The following SRFBP1 variants were observed in gnomAD, a reference collection of about 807,000 sequenced individuals.
The protein encoded by SRFBP1 is serum response factor-binding protein 1.
A neutral mutation model predicts 45.5 loss-of-function variants in SRFBP1; 47 were observed. That is an observed-to-expected ratio of 1.03 (90% CI 0.82 to 1.32). SRFBP1 has a LOEUF of 1.32. Ranked by LOEUF, SRFBP1 falls within the 40% of genes most tolerant of loss-of-function variation. The pLI, the probability that SRFBP1 is intolerant of heterozygous loss-of-function variation, is 0.00. For missense variants in SRFBP1, 621 were observed against 484.6 expected, an observed-to-expected ratio of 1.28 and a Z score of -2.64; for synonymous variants, 203 against 166.3, an observed-to-expected ratio of 1.22 and a Z score of -1.70.
chr5:122,031,605 C>T (rs1753588994), downstream of SRFBP1, among the ~76,000 whole-genome samples: 1 of 152,144 alleles, frequency 6.6e-6, no homozygotes, highest in African/African-American at 2.4e-5. Flanking sequence ...GATGTACCAA[C>T]ATAGGCATGA....
intron 4 of SRFBP1, among the ~76,000 whole-genome samples, chr5:122,012,609 A>G (rs897103543): frequency 3.3e-5 from 5 of 152,136 alleles, no homozygotes; most frequent in African/African-American, 1.2e-4. Context: ...CGAAATACAA[A>G]TTAGTTAAAA....
chr5:122,027,052 G>A lies in SRFBP1; in HGVS notation c.1216G>A (p.Ala406Thr). 6.2e-7 allele frequency: 1 copy of A among 1,612,668 alleles called. No homozygotes were observed. Among genetic ancestry groups the A allele is most frequent in the Non-Finnish European group, 8.5e-7 (1 of 1,179,540 alleles). The change falls in exon 8 of 8, where the codon GCA becomes ACA. Residue 406 changes from alanine (A) to threonine (T), a missense_variant. By Grantham distance (58) the Ala-to-Thr change is moderately conservative. Coordinates refer to ENST00000339397, the MANE Select transcript of SRFBP1 (RefSeq NM_152546.3). The part of the protein sequence containing the change: ...LQLPLHPSWE[A>T]SRRRKEQQSN... ...GCTGCCTCTTCATCCTTCATGGGAA[G>A]CAAGCAGAAGGCGAAAAGAACAGCA...
chr5:122,033,752 C>G (rs993802154), intron 2 of SRFBP1, among the ~76,000 whole-genome samples: 4 of 151,716 alleles, frequency 2.6e-5, no homozygotes, highest in Non-Finnish European at 4.4e-5. Flanking sequence ...AGCCCCCACG[C>G]CCAGCCGGTG....
chr5:122,049,062 T>A (rs1053089074), intron 2 of SRFBP1, among the ~76,000 whole-genome samples: 1 of 152,174 alleles, frequency 6.6e-6, no homozygotes, highest in African/African-American at 2.4e-5. Context: ...TCTGCTCTGA[T>A]CTTAGTTATT....
chr5:122,049,715 A>G, intron 2 of SRFBP1, among the ~76,000 whole-genome samples: 1 of 152,216 alleles, frequency 6.6e-6, no homozygotes, highest in Non-Finnish European at 1.5e-5. Context: ...ACTCAGGATT[A>G]AGAAACTCAC....
At chr5:121,986,105 A>T (rs1047834007) in intron 3 of SRFBP1, among the ~76,000 whole-genome samples, 1 of 152,040 alleles carries the variant, frequency 6.6e-6, no homozygotes, top group Non-Finnish European at 1.5e-5. Context: ...GTCCTGGTCC[A>T]TTCTTAAGTT....
chr5:122,053,024 C>T (rs1179205692), intron 2 of SRFBP1, among the ~76,000 whole-genome samples: 1 of 152,056 alleles, frequency 6.6e-6, no homozygotes, highest in Non-Finnish European at 1.5e-5. Context: ...GGAGCCCCCT[C>T]CAATTGCTGT....
chr5:122,070,186 T>C lies in SRFBP1; in HGVS notation n.312-5129T>C, dbSNP rs1373437273. 7.5e-7 allele frequency: 1 copy of C among 1,330,102 alleles called. No homozygotes were observed. The highest frequency in any genetic ancestry group is 1.1e-6 in the Non-Finnish European group (1 of 921,848). The allele number at this position is 1,330,102 out of a possible 1,614,324, so 82.4% of individuals were successfully genotyped here. A position where few individuals can be genotyped will look rare whatever the true frequency, so the allele number is the denominator to read the frequency against. ...ACACTGACCTGGGCAACACAAAGAG[T>C]TCCTCAGTATTTCTTTTTCCATAGG... On this transcript the variant is annotated intron_variant and non_coding_transcript_variant, in intron 2 of 2. Transcript: ENST00000504881.
intron 2 of SRFBP1, among the ~76,000 whole-genome samples, chr5:122,051,106 T>C (rs1416447413): frequency 6.6e-6 from 1 of 152,240 alleles, no homozygotes; most frequent in Non-Finnish European, 1.5e-5. Flanking sequence ...TGCACTGTTA[T>C]TCTGAGAGTA....
At chr5:122,062,994 A>C (rs915740030) in intron 2 of SRFBP1, among the ~76,000 whole-genome samples, 1 of 151,962 alleles carries the variant, frequency 6.6e-6, no homozygotes. Flanking sequence ...CTGGTGATAA[A>C]AGTTTATGTA....
intron 3 of SRFBP1, among the ~76,000 whole-genome samples, chr5:121,980,709 G>A (rs980594741): frequency 6.6e-6 from 1 of 151,946 alleles, no homozygotes; most frequent in African/African-American, 2.4e-5. Flanking sequence ...TATTTTTTTC[G>A]AATAAGTGGT....
chr5:122,052,701 A>G (rs1204466300), intron 2 of SRFBP1, among the ~76,000 whole-genome samples: 1 of 152,090 alleles, frequency 6.6e-6, no homozygotes, highest in Non-Finnish European at 1.5e-5. Flanking sequence ...CATTCTCCTC[A>G]ACCTCAATGA....
At chr5:122,010,567 A>G (rs777883235) in intron 4 of SRFBP1, among the ~76,000 whole-genome samples, 15 of 152,146 alleles carry the variant, frequency 9.9e-5, no homozygotes, top group Non-Finnish European at 1.6e-4. Context: ...CTACAAAGCT[A>G]TTACTTCCTC....
chr5:122,075,737 C>A (rs1222415494), downstream of SRFBP1, among the ~76,000 whole-genome samples: 1 of 152,056 alleles, frequency 6.6e-6, no homozygotes, highest in Non-Finnish European at 1.5e-5. Context: ...TTGGAGTAGT[C>A]AGAGCTCAAT....
At chr5:122,076,808 C>T (rs550270238), downstream of SRFBP1, 28 of 1,190,606 alleles carry the variant, frequency 2.4e-5, no homozygotes, top group East Asian at 6.1e-4. Context: ...CTTGTCTGCG[C>T]GAAGCAGTAG....
intron 2 of SRFBP1, among the ~76,000 whole-genome samples, chr5:122,058,226 C>T (rs758150346): frequency 2.0e-4 from 30 of 152,190 alleles, no homozygotes; most frequent in African/African-American, 7.0e-4. Context: ...CTTCTCTATT[C>T]AACAAATATT....
At chr5:122,067,107 C>G (rs1419468875) in intron 2 of SRFBP1, among the ~76,000 whole-genome samples, 1 of 152,128 alleles carries the variant, frequency 6.6e-6, no homozygotes, top group Non-Finnish European at 1.5e-5. Flanking sequence ...GTCAAGGCCT[C>G]TGCTCCATCT....
Position 122,020,298 on chromosome 5 carries a change from T to C in SRFBP1, c.563T>C (p.Ile188Thr), listed in dbSNP as rs751315030. ...CCAATACATAATTCAAAGGAAAAAA[T>C]AGCAAAGATGGAACATGGACCTAAA... ...KKPIHNSKEK[I>T]AKMEHGPKAV... The change falls in exon 6 of 8, where the codon ATA (isoleucine) becomes ACA (threonine). Residue 188 changes from isoleucine to threonine, a missense_variant. By Grantham distance (89) the Ile-to-Thr change is moderately conservative. Coordinates refer to ENST00000339397, the MANE Select transcript of SRFBP1 (RefSeq NM_152546.3). 2.5e-6 allele frequency: 4 copies of C among 1,611,500 alleles called. No homozygotes were observed. Among genetic ancestry groups the C allele is most frequent in the South Asian group, 1.1e-5 (1 of 90,364 alleles).
chr5:122,011,364 T>G (rs1407709009), intron 4 of SRFBP1, among the ~76,000 whole-genome samples: 5 of 152,082 alleles, frequency 3.3e-5, no homozygotes, highest in Non-Finnish European at 7.4e-5. Flanking sequence ...AACCACAGTT[T>G]CCAGAGAATT....
Sources: allele counts gnomAD v4.1 joint callset (sites outside exome capture counted in the v4.1 genomes callset), GRCh38; gene constraint gnomAD v4.1.1; transcripts MANE v1.5; gene names NCBI Gene and HGNC (gene_info 2026-07-23, HGNC 2026-07-21).